Variants in RHOU observed in about 807,000 individuals in gnomAD.
RHOU encodes rho-related GTP-binding protein RhoU.
Under a neutral mutation model 12.6 loss-of-function variants are expected in RHOU, and 8 were observed. The ratio of observed to expected loss-of-function variants is 0.64; its 90% CI spans 0.37 to 1.15. RHOU has a LOEUF of 1.15. RHOU is among the 50% of genes most tolerant of loss of function. The pLI is 0.01. For missense variants in RHOU, 258 were observed against 347.0 expected (o/e 0.74, Z 2.04); for synonymous variants, 161 against 147.4 (o/e 1.09, Z -0.67).
the RHOU span, among the ~76,000 whole-genome samples, chr1:228,708,720 A>AC: frequency 6.6e-6 from 1 of 152,190 alleles, no homozygotes; most frequent in Admixed American, 6.5e-5. Flanking sequence ...AAATGTAAAG[A>AC]CCATCGAGAC....
At chr1:228,712,756 CAT>C in the RHOU span, among the ~76,000 whole-genome samples, 2 of 150,632 alleles carry the variant, frequency 1.3e-5, no homozygotes, top group Admixed American at 1.3e-4. Context: ...CACATGCATA[CAT>C]ATGTAACTAA....
At chr1:228,680,768 T>A in the RHOU span, among the ~76,000 whole-genome samples, 21 of 152,198 alleles carry the variant, frequency 1.4e-4, no homozygotes, top group Non-Finnish European at 2.2e-4. Context: ...TGAACTGGGC[T>A]GGGTTTTCAT....
At chr1:228,681,242 A>AG in the RHOU span, among the ~76,000 whole-genome samples, 2,877 of 152,208 alleles carry the variant, frequency 0.019, 152 homozygotes, top group East Asian at 0.17. Context: ...GTTGGGCAGG[A>AG]GGGGGAGAGC....
chr1:228,646,795 C>G, the RHOU span, among the ~76,000 whole-genome samples: 1 of 152,134 alleles, frequency 6.6e-6, no homozygotes, highest in South Asian at 2.1e-4. Context: ...CACGGGTGCG[C>G]AGACGCACGC....
chr1:228,668,346 AG>A, the RHOU span, among the ~76,000 whole-genome samples: 3 of 152,200 alleles, frequency 2.0e-5, no homozygotes, highest in African/African-American at 7.2e-5. Flanking sequence ...ACCTAAAAAG[AG>A]GGTTGTGGAA....
the RHOU span, among the ~76,000 whole-genome samples, chr1:228,683,767 G>C: frequency 1.3e-5 from 2 of 152,176 alleles, no homozygotes; most frequent in Non-Finnish European, 1.5e-5. Flanking sequence ...AGAGTTGCAC[G>C]GTTTCAGGAG....
At chr1:228,710,349 C>G in the RHOU span, among the ~76,000 whole-genome samples, 1,046 of 152,146 alleles carry the variant, frequency 6.9e-3, 7 homozygotes, top group Non-Finnish European at 0.01. Flanking sequence ...CGGGCAGAGA[C>G]ACAACCAAAA....
the RHOU span, among the ~76,000 whole-genome samples, chr1:228,726,391 C>T: frequency 6.6e-6 from 1 of 152,042 alleles, no homozygotes; most frequent in African/African-American, 2.4e-5. Context: ...TAAGGCCGGG[C>T]GCAGTGGCTC....
At chr1:228,707,126 A>ATATG in the RHOU span, among the ~76,000 whole-genome samples, 10 of 75,388 alleles carry the variant, frequency 1.3e-4, no homozygotes, top group Middle Eastern at 7.7e-3. Flanking sequence ...ATATATATAT[A>ATATG]CATATATATA....
At chr1:228,707,593 G>A in the RHOU span, among the ~76,000 whole-genome samples, 1 of 151,912 alleles carries the variant, frequency 6.6e-6, no homozygotes, top group Non-Finnish European at 1.5e-5. Context: ...CTGCAGCTGA[G>A]GGTCTTGTCT....
At chr1:228,709,495 A>G in the RHOU span, among the ~76,000 whole-genome samples, 1 of 151,374 alleles carries the variant, frequency 6.6e-6, no homozygotes, top group Non-Finnish European at 1.5e-5. Flanking sequence ...GGAACTCAGG[A>G]TTAAGAATCT....
At chr1:228,722,316 A>C in the RHOU span, among the ~76,000 whole-genome samples, 1 of 152,152 alleles carries the variant, frequency 6.6e-6, no homozygotes, top group Admixed American at 6.5e-5. Context: ...TTAACAAGGG[A>C]GTCCTCAGAG....
chr1:228,648,681 G>C, the RHOU span, among the ~76,000 whole-genome samples: 1 of 152,018 alleles, frequency 6.6e-6, no homozygotes, highest in African/African-American at 2.4e-5. Flanking sequence ...TGTTTCATGT[G>C]AGCCGGCAAT....
the RHOU span, among the ~76,000 whole-genome samples, chr1:228,707,128 A>ATATATATATATGTG: frequency 1.5e-5 from 1 of 67,582 alleles, no homozygotes; most frequent in African/African-American, 1.7e-4. Context: ...ATATATATAC[A>ATATATATATATGTG]TATATATATA....
chr1:228,731,164 G>C (rs1474005631), upstream of RHOU, among the ~76,000 whole-genome samples: 1 of 152,180 alleles, frequency 6.6e-6, no homozygotes, highest in East Asian at 1.9e-4. Flanking sequence ...CCTTTTAGGG[G>C]ATTATGAGCA....
chr1:228,664,068 G>T, the RHOU span, among the ~76,000 whole-genome samples: 48 of 146,428 alleles, frequency 3.3e-4, no homozygotes, highest in African/African-American at 1.2e-3. Context: ...GCCCAGGCTG[G>T]AGAGCAGTGG....
the RHOU span, among the ~76,000 whole-genome samples, chr1:228,656,408 A>G: frequency 2.0e-5 from 3 of 152,160 alleles, no homozygotes; most frequent in Non-Finnish European, 2.9e-5. Flanking sequence ...TTTCTTTTTA[A>G]AAATTACGCT....
At chr1:228,688,890 C>T in the RHOU span, among the ~76,000 whole-genome samples, 1 of 152,140 alleles carries the variant, frequency 6.6e-6, no homozygotes, top group Non-Finnish European at 1.5e-5. Context: ...AAGACCTCAG[C>T]CTCCCTTCTG....
At position 228,737,387 on chromosome 1, in the gene RHOU, C is replaced by T. The variant is rs377015790; in HGVS notation, c.263-286C>T. On this transcript the variant is annotated intron_variant, in intron 1 of 2. Coordinates refer to ENST00000366691, the MANE Select transcript of RHOU (RefSeq NM_021205.6). The surrounding 1 kb of genome is among the most constrained non-coding windows in gnomAD (Gnocchi z 4.1). The stretch of plus-strand genomic sequence containing the variant: ...AAACAAGTGTGACAGGAAAATAAAT[C>T]TTCCAGGACTGGGAGAAAAGCATAG... Among the ~76,000 whole-genome samples, 2 of 152,198 alleles carry T rather than the reference C, an allele frequency of 1.3e-5. No homozygotes were observed. The highest frequency in any genetic ancestry group is 4.1e-4 in the South Asian group (2 of 4,832).
Sources: gnomAD v4.1 joint callset for allele counts (sites outside exome capture counted in the v4.1 genomes callset) on GRCh38, gnomAD v4.1.1 for gene constraint, Gnocchi (gnomAD v3.1) non-coding constraint, MANE v1.5 for transcripts, NCBI Gene and HGNC (gene_info 2026-07-23, HGNC 2026-07-21) for gene names.